SCFD2: variants seen among roughly 807,000 people sequenced by gnomAD.
The protein encoded by SCFD2 is sec1 family domain-containing protein 2.
Under a neutral mutation model 58.9 loss-of-function variants are expected in SCFD2, and 54 were observed. That is an observed-to-expected ratio of 0.92 (90% CI 0.74 to 1.15). The LOEUF (loss-of-function observed/expected upper bound fraction) is 1.15. Ranked by LOEUF, SCFD2 falls within the 50% of genes most tolerant of loss-of-function variation. The pLI is 0.00. For missense variants in SCFD2, 805 were observed against 836.6 expected (o/e 0.96, Z 0.47); for synonymous variants, 321 against 335.9 (o/e 0.96, Z 0.49).
At chr4:52,892,423 C>T (rs1361690427) in intron 7 of SCFD2, among the ~76,000 whole-genome samples, 1 of 152,170 alleles carries the variant, frequency 6.6e-6, no homozygotes. Context: ...TAGCAAACAT[C>T]CAATGGCACT....
intron 8 of SCFD2, among the ~76,000 whole-genome samples, chr4:52,883,062 C>T (rs974170079): frequency 6.6e-6 from 1 of 152,168 alleles, no homozygotes; most frequent in Non-Finnish European, 1.5e-5. Flanking sequence ...TTCCATAGAA[C>T]CTATCCCCTT....
intron 2 of SCFD2, among the ~76,000 whole-genome samples, chr4:53,324,959 T>C (rs1249440358): frequency 1.3e-5 from 2 of 152,200 alleles, no homozygotes; most frequent in Non-Finnish European, 2.9e-5. Flanking sequence ...GGAAAGTAGA[T>C]AAAATCAAAT....
chr4:53,357,655 T>C (rs1035470666), intron 1 of SCFD2, among the ~76,000 whole-genome samples: 2 of 152,164 alleles, frequency 1.3e-5, no homozygotes, highest in Non-Finnish European at 2.9e-5. Flanking sequence ...ACCTATTTAT[T>C]TTAAATAGTA....
At chr4:53,167,109 C>T (rs1287161383) in intron 4 of SCFD2, among the ~76,000 whole-genome samples, 1 of 152,196 alleles carries the variant, frequency 6.6e-6, no homozygotes, top group African/African-American at 2.4e-5. Context: ...CTCCCCCTTT[C>T]TTTACCGGAC....
chr4:52,947,021 C>T (rs1263605034), intron 5 of SCFD2, among the ~76,000 whole-genome samples: 2 of 152,146 alleles, frequency 1.3e-5, no homozygotes, highest in African/African-American at 2.4e-5. Flanking sequence ...TGAGCGCTTT[C>T]ATTCAGGCCA....
chr4:53,276,405 GA>G (rs563950548), intron 3 of SCFD2, among the ~76,000 whole-genome samples: 1 of 151,920 alleles, frequency 6.6e-6, no homozygotes, highest in South Asian at 2.1e-4. Context: ...AGGGGTTTGT[GA>G]AAAAAACTTC....
At chr4:53,160,587 A>G (rs949833885) in intron 4 of SCFD2, among the ~76,000 whole-genome samples, 2 of 152,340 alleles carry the variant, frequency 1.3e-5, no homozygotes, top group Non-Finnish European at 2.9e-5. Flanking sequence ...AAATGTAAGA[A>G]TGGGACAGAT....
At chr4:53,256,441 G>A (rs1395735263) in intron 4 of SCFD2, among the ~76,000 whole-genome samples, 28 of 149,914 alleles carry the variant, frequency 1.9e-4, no homozygotes, top group African/African-American at 6.4e-4. Context: ...GACGATGGGC[G>A]ACCAGGCAGA....
chr4:53,335,062 T>C (rs1258251499), intron 2 of SCFD2, among the ~76,000 whole-genome samples: 1 of 151,948 alleles, frequency 6.6e-6, no homozygotes, highest in African/African-American at 2.4e-5. Context: ...TCAGGCATGG[T>C]GGCAGATGCC....
intron 5 of SCFD2, chr4:52,948,325 C>T (rs2930105): frequency 0.074 from 21,756 of 292,202 alleles, 1,404 homozygotes; most frequent in African/African-American, 0.22. Flanking sequence ...CCATGAGCCC[C>T]CAAAGACCGG....
chr4:52,940,391 G>A (rs1414449326), intron 5 of SCFD2, among the ~76,000 whole-genome samples: 1 of 152,182 alleles, frequency 6.6e-6, no homozygotes, highest in African/African-American at 2.4e-5. Flanking sequence ...TCTCCTGAGT[G>A]GAAATGTCAG....
intron 5 of SCFD2, among the ~76,000 whole-genome samples, chr4:52,993,216 A>G (rs1180861301): frequency 2.0e-5 from 3 of 151,754 alleles, no homozygotes; most frequent in Non-Finnish European, 4.4e-5. Context: ...AAGAGTCATC[A>G]CCACTCCCTA....
At chr4:53,299,851 T>A (rs1560435766) in intron 3 of SCFD2, among the ~76,000 whole-genome samples, 1 of 152,134 alleles carries the variant, frequency 6.6e-6, no homozygotes, top group African/African-American at 2.4e-5. Flanking sequence ...CAAACTAAGC[T>A]TCATAAGTGA....
intron 5 of SCFD2, among the ~76,000 whole-genome samples, chr4:53,010,876 T>C (rs1722078694): frequency 6.6e-6 from 1 of 152,194 alleles, no homozygotes; most frequent in South Asian, 2.1e-4. Context: ...TAATCAGTTA[T>C]GTCCTTAGAA....
At chr4:53,068,622 C>A (rs1459992207) in intron 5 of SCFD2, among the ~76,000 whole-genome samples, 2 of 151,878 alleles carry the variant, frequency 1.3e-5, no homozygotes, top group African/African-American at 4.8e-5. Context: ...GATAATTATC[C>A]ATATAATAGA....
At chr4:53,117,505 T>A (rs1362379915) in intron 5 of SCFD2, among the ~76,000 whole-genome samples, 1 of 152,036 alleles carries the variant, frequency 6.6e-6, no homozygotes, top group Admixed American at 6.6e-5. Flanking sequence ...AGAGGTGATT[T>A]AAAAAAACAA....
At chr4:53,259,960 T>A (rs2149052657) in intron 4 of SCFD2, among the ~76,000 whole-genome samples, 1 of 35,622 alleles carries the variant, frequency 2.8e-5, no homozygotes, top group East Asian at 4.6e-4. Context: ...TAACCAGGTA[T>A]TTTTTTTTTT....
At chr4:53,323,931 T>A (rs1431977947) in intron 2 of SCFD2, among the ~76,000 whole-genome samples, 2 of 152,054 alleles carry the variant, frequency 1.3e-5, no homozygotes, top group Non-Finnish European at 2.9e-5. Context: ...GCAGCCACAA[T>A]TACCCTATTA....
chr4:53,034,361 A>C, intron 5 of SCFD2, among the ~76,000 whole-genome samples: 1 of 152,208 alleles, frequency 6.6e-6, no homozygotes. Flanking sequence ...ACCCACAACC[A>C]ATATCATACT....
Sources: gnomAD v4.1 joint callset for allele counts (sites outside exome capture counted in the v4.1 genomes callset) on GRCh38, gnomAD v4.1.1 for gene constraint, MANE v1.5 for transcripts, NCBI Gene and HGNC (gene_info 2026-07-23, HGNC 2026-07-21) for gene names.